The following SMCHD1 variants were observed in gnomAD, a reference collection of about 807,000 sequenced individuals.
SMCHD1 encodes the protein structural maintenance of chromosomes flexible hinge domain-containing protein 1.
Under a neutral mutation model 254.7 loss-of-function variants are expected in SMCHD1, and 78 were observed. That is an observed-to-expected ratio of 0.31 (90% CI 0.26 to 0.37). The LOEUF is 0.37. Among genes scored for constraint, SMCHD1 ranks in the 10% least tolerant of loss-of-function variants. The pLI is 1.00. For missense variants in SMCHD1, 1,840 were observed against 2,408.1 expected, an observed-to-expected ratio of 0.76 and a Z score of 4.94; for synonymous variants, 766 against 794.9, an observed-to-expected ratio of 0.96 and a Z score of 0.61.
At chr18:2,671,907 T>C (rs2073618166) in intron 3 of SMCHD1, among the ~76,000 whole-genome samples, 1 of 152,136 alleles carries the variant, frequency 6.6e-6, no homozygotes, top group Non-Finnish European at 1.5e-5. Context: ...CTTGATCTTT[T>C]CTTTTTATAC....
rs746090352 is a variant in SMCHD1, at chr18:2,707,829, G to T, written c.2169G>T (p.Leu723=). The change falls in exon 17 of 48, where the codon CTG becomes CTT. Residue 723 remains leucine, a synonymous_variant. Coordinates refer to ENST00000320876, the MANE Select transcript of SMCHD1 (RefSeq NM_015295.3). ...TPIGALRIEI[L]NKKGEAMQKL... is the part of the protein sequence containing the mutation. ...TAGGTGCGTTAAGAATTGAAATACT[G>T]AATAAAAAAGGGGAAGCAATGCAAA... 3.1e-6 allele frequency: 5 copies of T among 1,606,608 alleles called. No homozygotes were observed. In the South Asian group the frequency reaches 5.6e-5, roughly 18 times the overall value.
At chr18:2,678,272 T>TCC (rs1349109133) in intron 5 of SMCHD1, among the ~76,000 whole-genome samples, 5 of 125,214 alleles carry the variant, frequency 4.0e-5, no homozygotes, top group African/African-American at 1.6e-4. Flanking sequence ...TCTCTCTCTC[T>TCC]CCCTCTCTCT....
rs904460522 is a variant in SMCHD1 at position 2,772,438 on chromosome 18, T to C, written c.5175+66T>C. On this transcript the variant is annotated intron_variant, in intron 41 of 47. Transcript: ENST00000320876. ...TTATCTTGTTTGTTTAAAACGGGTC[T>C]TCTAAAAGTGACAAAAAAGTGTCAG... The C allele has an allele frequency of 5.9e-6, 8 of 1,344,800 alleles. No individual in the cohort carries two copies. In the African/African-American group the frequency reaches 1.1e-4, roughly 18 times the overall value. 83.3% of individuals were successfully genotyped at this position (1,344,800 alleles called of 1,614,324 possible). A position where few individuals can be genotyped will look rare whatever the true frequency, so the allele number is the denominator to read the frequency against.
intron 17 of SMCHD1, among the ~76,000 whole-genome samples, chr18:2,711,826 G>A (rs1459291146): frequency 6.6e-6 from 1 of 152,142 alleles, no homozygotes; most frequent in Non-Finnish European, 1.5e-5. Context: ...GGACCTAATG[G>A]GAGGTTTTGG....
At chr18:2,769,957 A>G (rs1241013344) in intron 38 of SMCHD1, 32 bp from the exon 39 acceptor site, 9 of 1,554,730 alleles carry the variant, frequency 5.8e-6, no homozygotes, top group Non-Finnish European at 7.8e-6. Context: ...CAGTTTTTAA[A>G]TTATTTAAAT....
At chr18:2,763,815 A>G (rs1327770683) in intron 37 of SMCHD1, 26 bp downstream of exon 37, 1 of 1,597,006 alleles carries the variant, frequency 6.3e-7, no homozygotes, top group Middle Eastern at 1.7e-4. Context: ...CTTTTGGTAG[A>G]TAGAATTTCT....
At chr18:2,728,811 T>A in intron 23 of SMCHD1, 1 of 451,116 alleles carries the variant, frequency 2.2e-6, no homozygotes, top group East Asian at 4.0e-5. Context: ...AATTTGTGAA[T>A]AAAAGTTTAC....
At position 2,674,040 on chromosome 18, in the gene SMCHD1, C is replaced by G; in HGVS notation, c.533C>G (p.Pro178Arg). 6.3e-7 allele frequency: 1 copy of G among 1,594,916 alleles called. No homozygotes were observed. The highest frequency in any genetic ancestry group is 8.5e-7 in the Non-Finnish European group (1 of 1,170,122). The change falls in exon 5 of 48, where the codon CCT becomes CGT. Residue 178 changes from proline (P) to arginine (R), a missense_variant. Pro to Arg is a moderately radical substitution (Grantham distance 103, BLOSUM62 -2). Coordinates refer to ENST00000320876, the MANE Select transcript of SMCHD1 (RefSeq NM_015295.3). ...CTTTTTGATGAAACACAAGGAAAAC[C>G]TGCTGTTGCAGTGATAGATAATGGA... ...KLLFDETQGK[P>R]AVAVIDNGRG...
chr18:2,765,665 C>T (rs2075853748), intron 37 of SMCHD1, among the ~76,000 whole-genome samples: 1 of 152,214 alleles, frequency 6.6e-6, no homozygotes, highest in Admixed American at 6.5e-5. Flanking sequence ...TGTATGTGCA[C>T]CCTGAACAGT....
At chr18:2,695,183 A>C (rs1042468634) in intron 8 of SMCHD1, among the ~76,000 whole-genome samples, 34 of 152,302 alleles carry the variant, frequency 2.2e-4, no homozygotes, top group African/African-American at 7.9e-4. Context: ...ATATACGTAC[A>C]TATGTGCCTA....
At chr18:2,776,666 G>A (rs2143775904) in intron 42 of SMCHD1, among the ~76,000 whole-genome samples, 1 of 152,280 alleles carries the variant, frequency 6.6e-6, no homozygotes, top group South Asian at 2.1e-4. Context: ...TTCACGGCCT[G>A]TAATTGCATA....
chr18:2,708,558 A>C (rs575009948), intron 17 of SMCHD1, among the ~76,000 whole-genome samples: 2 of 150,786 alleles, frequency 1.3e-5, no homozygotes, highest in Non-Finnish European at 3.0e-5. Context: ...ACACAGAAGC[A>C]CCACTCTCAT....
intron 13 of SMCHD1, among the ~76,000 whole-genome samples, chr18:2,705,035 A>G (rs543623598): frequency 2.6e-5 from 4 of 152,310 alleles, no homozygotes; most frequent in Non-Finnish European, 5.9e-5. Flanking sequence ...CTTAGTGGTA[A>G]TGGAGTAAAG....
chr18:2,668,643 G>T (rs947243758), intron 3 of SMCHD1, among the ~76,000 whole-genome samples: 22 of 151,966 alleles, frequency 1.4e-4, no homozygotes, highest in Middle Eastern at 3.4e-3. Context: ...AAAATTTTTT[G>T]ATCCTGTTTA....
intron 41 of SMCHD1, among the ~76,000 whole-genome samples, chr18:2,773,445 C>A (rs2076015660): frequency 6.6e-6 from 1 of 151,920 alleles, no homozygotes; most frequent in Non-Finnish European, 1.5e-5. Context: ...TAAATATTTC[C>A]CATTGCATGT....
intron 34 of SMCHD1, 61 bp from the exon 35 acceptor site, chr18:2,760,591 T>C: frequency 2.1e-6 from 2 of 931,824 alleles, no homozygotes; most frequent in Non-Finnish European, 3.5e-6. Context: ...TGTTGACTCT[T>C]TGAATTCCTT....
At chr18:2,694,797 TC>T (rs1291809551) in intron 8 of SMCHD1, 104 bp downstream of exon 8, 2 of 932,298 alleles carry the variant, frequency 2.1e-6, no homozygotes, top group Non-Finnish European at 3.3e-6. Flanking sequence ...TTTGCTCCTG[TC>T]TCATTTTCTT....
At chr18:2,775,645 T>G in intron 41 of SMCHD1, 89 bp from the exon 42 acceptor site, 90 of 1,108,634 alleles carry the variant, frequency 8.1e-5, no homozygotes, top group East Asian at 1.8e-4. Flanking sequence ...TCAGAGAAGT[T>G]TTTGTTACCT....
intron 17 of SMCHD1, among the ~76,000 whole-genome samples, chr18:2,715,032 A>G (rs1052124772): frequency 6.6e-6 from 1 of 152,174 alleles, no homozygotes; most frequent in Middle Eastern, 3.4e-3. Flanking sequence ...ATTTTAGGAT[A>G]TTTTCCTTCA....
Sources: gnomAD v4.1 joint callset for allele counts (sites outside exome capture counted in the v4.1 genomes callset) on GRCh38, gnomAD v4.1.1 for gene constraint, MANE v1.5 for transcripts, NCBI Gene and HGNC (gene_info 2026-07-23, HGNC 2026-07-21) for gene names.